Variants in PRR16 observed in about 807,000 individuals in gnomAD.
PRR16 encodes the protein proline rich 16.
A neutral mutation model predicts 18.2 loss-of-function variants in PRR16; 6 were observed. The ratio of observed to expected loss-of-function variants is 0.33; its 90% confidence interval spans 0.18 to 0.65. The LOEUF is 0.65. PRR16 is among the 30% of genes least tolerant of loss of function. The probability of loss-of-function intolerance (pLI) is 0.74; values close to 1 mark genes in which losing one functional copy is unlikely to be tolerated. For missense variants in PRR16, 412 were observed against 376.6 expected (o/e 1.09, Z -0.78); for synonymous variants, 151 against 147.8 (o/e 1.02, Z -0.16).
At chr5:120,510,433 T>G (rs1750790700) in intron 1 of PRR16, among the ~76,000 whole-genome samples, 1 of 152,180 alleles carries the variant, frequency 6.6e-6, no homozygotes, top group South Asian at 2.1e-4. Flanking sequence ...AATGAAAAAT[T>G]ACTGCCTGGC....
chr5:120,536,968 C>A (rs1001762613), intron 1 of PRR16, among the ~76,000 whole-genome samples: 4 of 152,298 alleles, frequency 2.6e-5, no homozygotes, highest in South Asian at 2.1e-4. Flanking sequence ...TGCATTTTCT[C>A]ACTTATAAGC....
At chr5:120,716,954 A>G in the PRR16 span, among the ~76,000 whole-genome samples, 3 of 152,158 alleles carry the variant, frequency 2.0e-5, no homozygotes, top group Non-Finnish European at 4.4e-5. Context: ...GAATGAATCA[A>G]TATTCCTTAG....
chr5:120,755,120 A>G, the PRR16 span, among the ~76,000 whole-genome samples: 480 of 152,106 alleles, frequency 3.2e-3, 2 homozygotes, highest in Non-Finnish European at 5.2e-3. Context: ...CAGCACACCA[A>G]CATGGCACAT....
the PRR16 span, among the ~76,000 whole-genome samples, chr5:120,741,665 G>A: frequency 6.6e-6 from 1 of 152,032 alleles, no homozygotes; most frequent in Non-Finnish European, 1.5e-5. Flanking sequence ...ACACTGGCCC[G>A]ATCACGGCTC....
chr5:120,722,700 AT>A, the PRR16 span, among the ~76,000 whole-genome samples: 1 of 152,026 alleles, frequency 6.6e-6, no homozygotes, highest in Non-Finnish European at 1.5e-5. Flanking sequence ...GATGGTGAAG[AT>A]TATGAACTCT....
chr5:120,492,185 A>G (rs1281169959), intron 1 of PRR16, among the ~76,000 whole-genome samples: 2 of 149,638 alleles, frequency 1.3e-5, no homozygotes, highest in Non-Finnish European at 3.0e-5. Flanking sequence ...CCTAGGCTCA[A>G]GTGATCCACC....
chr5:120,641,783 C>T (rs1037751821), intron 1 of PRR16, among the ~76,000 whole-genome samples: 2 of 152,070 alleles, frequency 1.3e-5, no homozygotes, highest in African/African-American at 4.8e-5. Flanking sequence ...CTGCAGAGAG[C>T]GTTAACTGGA....
rs150838480 is a variant in PRR16, at chr5:120,483,118, C to T, written c.159+18473C>T. On this transcript the variant is annotated intron_variant, in intron 1 of 1. Transcript: ENST00000407149. ...TGGTATATTCTCCAGTGCAAGTTGG[C>T]GAGGAGCTCTACTCCAAAGAGTCAC... Among the ~76,000 whole-genome samples, 319 of 152,170 alleles carry T rather than the reference C, an allele frequency of 2.1e-3. 3 individuals are homozygous for T. The highest frequency in any genetic ancestry group is 7.3e-3 in the African/African-American group (304 of 41,540).
the PRR16 span, among the ~76,000 whole-genome samples, chr5:120,700,437 A>T: frequency 4.1e-4 from 63 of 151,890 alleles, 1 homozygote; most frequent in African/African-American, 1.4e-3. Flanking sequence ...TTGTGGGTTA[A>T]GGTGGGGGGA....
the PRR16 span, among the ~76,000 whole-genome samples, chr5:120,756,360 C>T: frequency 1.1e-4 from 17 of 152,042 alleles, no homozygotes; most frequent in Admixed American, 1.1e-3. Context: ...GGTTCCCTTC[C>T]TCCAGACCTC....
Position 120,487,972 on chromosome 5 carries a change from C to A in PRR16, c.159+23327C>A, listed in dbSNP as rs183873106. Among the ~76,000 whole-genome samples the A allele has an allele frequency of 4.2e-3, 632 of 152,274 alleles. 6 individuals are homozygous for A. Among genetic ancestry groups the A allele is most frequent in the African/African-American group, 0.014 (597 of 41,542 alleles). The stretch of plus-strand genomic sequence containing the variant: ...CGTTTATTGATTTGTGTATGTTGAA[C>A]CAGCCTTGCATCCCAGGGATGAAGC... On this transcript the variant is annotated intron_variant, in intron 1 of 1. Coordinates refer to ENST00000407149, the MANE Select transcript of PRR16 (RefSeq NM_001300783.2).
the PRR16 span, among the ~76,000 whole-genome samples, chr5:120,762,926 T>G: frequency 1.3e-5 from 2 of 152,166 alleles, no homozygotes; most frequent in African/African-American, 4.8e-5. Flanking sequence ...AGTCTTTCAT[T>G]CACTTTGAGT....
At chr5:120,487,632 C>T (rs1469004230) in intron 1 of PRR16, among the ~76,000 whole-genome samples, 1 of 152,026 alleles carries the variant, frequency 6.6e-6, no homozygotes. Context: ...AATTGAATAC[C>T]CTCTATTTCC....
intron 1 of PRR16, among the ~76,000 whole-genome samples, chr5:120,582,983 T>C (rs1753323109): frequency 6.6e-6 from 1 of 152,242 alleles, no homozygotes; most frequent in Non-Finnish European, 1.5e-5. Context: ...GTTGAAATTA[T>C]CTATACTGTC....
At chr5:120,569,833 T>C (rs1391782611) in intron 1 of PRR16, among the ~76,000 whole-genome samples, 2 of 152,110 alleles carry the variant, frequency 1.3e-5, no homozygotes, top group African/African-American at 4.8e-5. Flanking sequence ...GCTGGGAACA[T>C]CTGAGTAAAG....
chr5:120,490,439 C>T (rs898874204), intron 1 of PRR16, among the ~76,000 whole-genome samples: 16 of 152,112 alleles, frequency 1.1e-4, no homozygotes, highest in East Asian at 1.9e-4. Flanking sequence ...TCCAGTTGAT[C>T]GAATCAGCTA....
intron 1 of PRR16, among the ~76,000 whole-genome samples, chr5:120,684,414 C>A (rs1757058754): frequency 6.6e-6 from 1 of 152,070 alleles, no homozygotes; most frequent in South Asian, 2.1e-4. Context: ...CCCAATCCTG[C>A]CACCATGTGA....
the PRR16 span, among the ~76,000 whole-genome samples, chr5:120,791,206 A>G: frequency 2.0e-5 from 3 of 152,120 alleles, no homozygotes. Context: ...CATTACCAAG[A>G]AAACAAGTTT....
chr5:120,588,943 G>A (rs1753542422), intron 1 of PRR16, among the ~76,000 whole-genome samples: 1 of 151,620 alleles, frequency 6.6e-6, no homozygotes, highest in Non-Finnish European at 1.5e-5. Flanking sequence ...TTATACTAAA[G>A]CCCAGTTCTA....
Sources: allele counts gnomAD v4.1 joint callset (sites outside exome capture counted in the v4.1 genomes callset), GRCh38; gene constraint gnomAD v4.1.1; transcripts MANE v1.5; gene names NCBI Gene and HGNC (gene_info 2026-07-23, HGNC 2026-07-21).